Variants in WWOX observed in about 807,000 individuals in gnomAD.
The protein encoded by WWOX is WW domain-containing oxidoreductase.
WWOX carries 69 observed loss-of-function variants against 46.2 expected under a neutral mutation model. That is an observed-to-expected ratio of 1.49 (90% CI 1.23 to 1.82). The LOEUF (loss-of-function observed/expected upper bound fraction) is 1.82, where lower values mean the gene tolerates loss of function less well. Among genes scored for constraint, WWOX ranks in the 40% most tolerant of loss-of-function variants. The probability of loss-of-function intolerance (pLI) is 0.00; values close to 1 mark genes in which losing one functional copy is unlikely to be tolerated. For synonymous variants in WWOX, 359 were observed against 202.6 expected (o/e 1.77, Z -6.56); for missense variants, 919 against 542.6 (o/e 1.69, Z -6.89).
chr16:78,137,328 G>C (rs761669643), intron 4 of WWOX, among the ~76,000 whole-genome samples: 4 of 152,128 alleles, frequency 2.6e-5, no homozygotes, highest in Non-Finnish European at 5.9e-5. Flanking sequence ...ATGCTTTCCA[G>C]CTTGCCAATT....
intron 8 of WWOX, among the ~76,000 whole-genome samples, chr16:79,026,532 C>G (rs1228678358): frequency 6.6e-6 from 1 of 150,758 alleles, no homozygotes; most frequent in East Asian, 2.0e-4. Flanking sequence ...ACAATGATCT[C>G]TATCTAGAAA....
At chr16:78,697,024 A>G (rs1033874418) in intron 8 of WWOX, among the ~76,000 whole-genome samples, 3 of 152,186 alleles carry the variant, frequency 2.0e-5, no homozygotes, top group Non-Finnish European at 4.4e-5. Context: ...GTAGTATTCC[A>G]TTGTATATTT....
chr16:78,166,368 A>G (rs1184721162), intron 5 of WWOX, among the ~76,000 whole-genome samples: 2 of 152,236 alleles, frequency 1.3e-5, no homozygotes, highest in South Asian at 2.1e-4. Context: ...TCTTTCTTGC[A>G]TCAGTCTTTC....
intron 5 of WWOX, chr16:78,167,402 A>C (rs1178041845): frequency 6.6e-6 from 1 of 152,186 alleles, no homozygotes; most frequent in Non-Finnish European, 1.5e-5. Context: ...TTCCGATGAT[A>C]GAATTTGCTG....
intron 8 of WWOX, among the ~76,000 whole-genome samples, chr16:78,777,060 A>T (rs1041264626): frequency 6.6e-6 from 1 of 152,218 alleles, no homozygotes; most frequent in African/African-American, 2.4e-5. Flanking sequence ...GATAAATGTG[A>T]TGAAAATGAG....
intron 8 of WWOX, chr16:78,895,733 C>G (rs547663954): frequency 6.6e-6 from 1 of 152,182 alleles, no homozygotes; most frequent in African/African-American, 2.4e-5. Context: ...GATTGAGGAA[C>G]GCAAGACTTA....
intron 8 of WWOX, among the ~76,000 whole-genome samples, chr16:78,616,826 C>T (rs929396241): frequency 1.3e-5 from 2 of 152,116 alleles, no homozygotes; most frequent in Admixed American, 6.5e-5. Context: ...AGCCTTCACT[C>T]TAATGACATA....
At chr16:78,618,670 C>G (rs2046090350) in intron 8 of WWOX, among the ~76,000 whole-genome samples, 1 of 152,090 alleles carries the variant, frequency 6.6e-6, no homozygotes, top group South Asian at 2.1e-4. Flanking sequence ...TCAACAGGAT[C>G]CATGTTTGAT....
chr16:78,862,306 C>T (rs546639515), intron 8 of WWOX, among the ~76,000 whole-genome samples: 3 of 150,966 alleles, frequency 2.0e-5, no homozygotes, highest in South Asian at 4.2e-4. Flanking sequence ...CTATACACAC[C>T]TATGGGTGTG....
rs56852814 is a variant in WWOX, at chr16:78,923,794, G to GTTTT, written c.1057-287794_1057-287791dup. On this transcript the variant is annotated intron_variant, in intron 8 of 8. Transcript: ENST00000566780. ...GATTGCTAGGAACTGTTTTTAGTTA[G>GTTTT]TTTTTTTTTTTTTTTTTTTTTTTCA... Among the ~76,000 whole-genome samples, 822 of 102,106 alleles carry GTTTT rather than the reference G, an allele frequency of 8.1e-3. 42 individuals are homozygous for GTTTT. Among genetic ancestry groups the GTTTT allele is most frequent in the African/African-American group, 0.015 (322 of 21,988 alleles). The allele number at this position is 102,106 out of a possible 152,430, so 67.0% of individuals were successfully genotyped here. A position where few individuals can be genotyped will look rare whatever the true frequency, so the allele number is the denominator to read the frequency against.
chr16:78,111,753 G>C (rs1460036353), intron 3 of WWOX: 1 of 157,760 alleles, frequency 6.3e-6, no homozygotes, highest in Non-Finnish European at 1.4e-5. Context: ...GTTCCTCTTT[G>C]AAGTACGTAG....
At chr16:78,581,313 A>G (rs536206531) in intron 8 of WWOX, among the ~76,000 whole-genome samples, 3 of 152,320 alleles carry the variant, frequency 2.0e-5, no homozygotes, top group African/African-American at 7.2e-5. Context: ...AACCTTTTCT[A>G]TAGCTGAGAA....
At chr16:78,847,772 TAAAAA>T (rs540806030) in intron 8 of WWOX, among the ~76,000 whole-genome samples, 120 of 146,538 alleles carry the variant, frequency 8.2e-4, no homozygotes, top group African/African-American at 2.8e-3. Context: ...GTAGCTTGTT[TAAAAA>T]AAAAAAGAAG....
chr16:79,202,151 G>C (rs2051367053), intron 8 of WWOX, among the ~76,000 whole-genome samples: 1 of 152,180 alleles, frequency 6.6e-6, no homozygotes. Flanking sequence ...AGAGTTGAGT[G>C]ATCGTGCCAG....
chr16:78,816,819 C>T (rs1281754950), intron 8 of WWOX, among the ~76,000 whole-genome samples: 1 of 152,036 alleles, frequency 6.6e-6, no homozygotes, highest in African/African-American at 2.4e-5. Context: ...AAAAGTTATG[C>T]AATGCCAAGT....
intron 8 of WWOX, among the ~76,000 whole-genome samples, chr16:79,135,655 C>T (rs952004843): frequency 6.6e-6 from 1 of 152,074 alleles, no homozygotes; most frequent in Non-Finnish European, 1.5e-5. Flanking sequence ...TCAGTATTGA[C>T]CTCCCAAAAT....
At chr16:78,987,217 G>A (rs2151341123) in intron 8 of WWOX, among the ~76,000 whole-genome samples, 1 of 152,308 alleles carries the variant, frequency 6.6e-6, no homozygotes, top group South Asian at 2.1e-4. Context: ...AGACGAGTCA[G>A]TTTATAAGTA....
At chr16:78,995,658 G>A (rs928180413) in intron 8 of WWOX, among the ~76,000 whole-genome samples, 14 of 152,184 alleles carry the variant, frequency 9.2e-5, no homozygotes, top group African/African-American at 3.4e-4. Context: ...GGGACAGCAA[G>A]ATTACATATA....
At chr16:79,018,693 A>T (rs1455325083) in intron 8 of WWOX, among the ~76,000 whole-genome samples, 2 of 152,210 alleles carry the variant, frequency 1.3e-5, no homozygotes, top group Admixed American at 6.5e-5. Context: ...CCTCCTCCAC[A>T]TGAAATCAAC....
Sources: allele counts gnomAD v4.1 joint callset (sites outside exome capture counted in the v4.1 genomes callset), GRCh38; gene constraint gnomAD v4.1.1; transcripts MANE v1.5; gene names NCBI Gene and HGNC (gene_info 2026-07-23, HGNC 2026-07-21).